Variants in ECE1 observed in about 807,000 individuals in gnomAD.
ECE1 encodes the protein endothelin-converting enzyme 1.
Under a neutral mutation model 98.6 loss-of-function variants are expected in ECE1, and 35 were observed. The observed-to-expected ratio is 0.35, with a 90% CI of 0.27 to 0.47. The LOEUF is 0.47. ECE1 is among the 20% of genes least tolerant of loss of function. ECE1 has a pLI of 1.00. For synonymous variants in ECE1, 394 were observed against 407.1 expected (o/e 0.97, Z 0.39); for missense variants, 814 against 1,025.3 (o/e 0.79, Z 2.81).
chr1:21,232,954 C>T (rs776599376), intron 14 of ECE1, among the ~76,000 whole-genome samples: 2 of 152,092 alleles, frequency 1.3e-5, no homozygotes, highest in Non-Finnish European at 2.9e-5. Flanking sequence ...GCTGGGATTA[C>T]AGGCGTGAGC....
At position 21,225,326 on chromosome 1, in the gene ECE1, T is replaced by C; in HGVS notation, c.1964A>G (p.Asn655Ser). ...GTGCCGCCCGTTCACCGGCTCCCCG[T>C]TCACGCTGTAGTTGCTGTACTGCTC... ...MVEQYSNYSV[N>S]GEPVNGRHTL... is the part of the protein sequence containing the mutation. The change falls in exon 17 of 19, where the codon AAC becomes AGC. Residue 655 changes from asparagine (N) to serine (S), a missense_variant. Transcript: ENST00000374893. The surrounding 1 kb of genome is among the most constrained non-coding windows in gnomAD (Gnocchi z 5.3). The C allele has an allele frequency of 6.2e-7, 1 of 1,614,218 alleles. No homozygotes were observed. The highest frequency in any genetic ancestry group is 1.1e-5 in the South Asian group (1 of 91,090).
chr1:21,251,170 G>C (rs1186766873), intron 8 of ECE1, among the ~76,000 whole-genome samples: 5 of 152,088 alleles, frequency 3.3e-5, no homozygotes, highest in African/African-American at 1.2e-4. Context: ...AAGGACAGGT[G>C]AATTTGTGAG....
chr1:21,319,919 G>C lies in ECE1; in HGVS notation c.3+25457C>G, dbSNP rs1167987979. 2.6e-5 allele frequency among the ~76,000 whole-genome samples: 4 copies of C among 152,162 alleles called. No homozygotes were observed. Among genetic ancestry groups the C allele is most frequent in the Non-Finnish European group, 5.9e-5 (4 of 68,040 alleles). On this transcript the variant is annotated intron_variant, in intron 1 of 18. Transcript: ENST00000415912. The surrounding 1 kb of genome is among the most constrained non-coding windows in gnomAD (Gnocchi z 4.4). Reference sequence around the variant, plus strand: ...GTCCCCACCCCACTCCAGATCTTCTGTTTACACTCGGCAGCAGCGTCCCAT... The same window carrying C: ...GTCCCCACCCCACTCCAGATCTTCTCTTTACACTCGGCAGCAGCGTCCCAT...
At position 21,260,127 on chromosome 1, in the gene ECE1, G is replaced by A. The variant is rs571765286; in HGVS notation, c.615+144C>T. 34 of 1,290,324 alleles carry A rather than the reference G, an allele frequency of 2.6e-5. No individual in the cohort carries two copies. The highest frequency in any genetic ancestry group is 2.4e-4 in the South Asian group (20 of 82,116). 79.9% of individuals were successfully genotyped at this position (1,290,324 alleles called of 1,614,324 possible). A position where few individuals can be genotyped will look rare whatever the true frequency, so the allele number is the denominator to read the frequency against. ...CACTCACATGTGCTCTCGCACACTC[G>A]CTCTCTCTCTTTCTGTCTTTCTCTT... On this transcript the variant is annotated intron_variant, in intron 5 of 18. Transcript: ENST00000374893. This position sits in a 1 kb window ranked among gnomAD's most constrained non-coding sequence, Gnocchi z 4.3.
chr1:21,253,043 T>C (rs2098214717), intron 8 of ECE1, among the ~76,000 whole-genome samples: 1 of 148,254 alleles, frequency 6.7e-6, no homozygotes, highest in African/African-American at 2.6e-5. Context: ...TATTATTTTA[T>C]TTTATTTTAT....
chr1:21,238,293 C>T (rs2103244172), intron 10 of ECE1, 49 bp from the exon 11 acceptor site: 1 of 1,482,014 alleles, frequency 6.7e-7, no homozygotes, highest in Non-Finnish European at 9.3e-7. Flanking sequence ...CCTTTGTTTC[C>T]CAACCCCTTT....
intron 1 of ECE1, among the ~76,000 whole-genome samples, chr1:21,297,339 A>G (rs1314268360): frequency 2.0e-5 from 3 of 151,858 alleles, no homozygotes; most frequent in South Asian, 2.1e-4. Flanking sequence ...CAGGCCACTG[A>G]CCTGCCCACC....
At chr1:21,336,482 G>T (rs1029920555) in intron 1 of ECE1, among the ~76,000 whole-genome samples, 2 of 152,114 alleles carry the variant, frequency 1.3e-5, no homozygotes, top group African/African-American at 2.4e-5. Context: ...ATCACCTGAG[G>T]TCAGGAGTTC....
intron 1 of ECE1, among the ~76,000 whole-genome samples, chr1:21,305,181 A>G (rs1638570056): frequency 6.6e-6 from 1 of 152,222 alleles, no homozygotes; most frequent in Admixed American, 6.5e-5. Flanking sequence ...GCTCGACAGC[A>G]TAGACACAGG....
intron 1 of ECE1, among the ~76,000 whole-genome samples, chr1:21,343,127 G>C (rs10916962): frequency 6.6e-6 from 1 of 151,764 alleles, no homozygotes; most frequent in Non-Finnish European, 1.5e-5. Flanking sequence ...GCTTTCTCTC[G>C]TCTCTCCAGC....
intron 1 of ECE1, among the ~76,000 whole-genome samples, chr1:21,301,488 G>A (rs1638483457): frequency 6.7e-6 from 1 of 148,936 alleles, no homozygotes; most frequent in East Asian, 2.0e-4. Flanking sequence ...GCGAGACTCC[G>A]TCTCAAAAAA....
intron 1 of ECE1, among the ~76,000 whole-genome samples, chr1:21,331,998 G>A (rs539988537): frequency 6.6e-6 from 1 of 152,240 alleles, no homozygotes; most frequent in South Asian, 2.1e-4. Flanking sequence ...CCAGCCCTGG[G>A]CTGGTCATTC....
rs2098235292 is a variant in ECE1, at chr1:21,267,430, GA to G, written c.493+5268del. On this transcript the variant is annotated intron_variant, in intron 4 of 18. Transcript: ENST00000374893. ...ACATGGGTGGCAACAGGCAAAGAGA[GA>G]GAGAGGCTGTGCAGGAGAACTCCCA... Among the ~76,000 whole-genome samples, 3 of 152,198 alleles carry G rather than the reference GA, an allele frequency of 2.0e-5. No individual in the cohort carries two copies. In the East Asian group the frequency reaches 5.8e-4, roughly 29 times the overall value.
intron 1 of ECE1, among the ~76,000 whole-genome samples, chr1:21,328,301 A>C (rs1437946325): frequency 6.6e-6 from 1 of 152,192 alleles, no homozygotes. Context: ...CTCCCATAGC[A>C]ACCTGCTTAT....
At chr1:21,238,056 T>A in intron 11 of ECE1, 78 bp downstream of exon 11, 1 of 1,343,150 alleles carries the variant, frequency 7.4e-7, no homozygotes, top group African/African-American at 1.4e-5. Context: ...CAGGGTGGGC[T>A]GGAGTGTGAA....
In ECE1 at chr1:21,257,609, A is replaced by C; in HGVS notation, c.763-19T>G. On this transcript the variant is annotated intron_variant, in intron 6 of 18. Coordinates refer to ENST00000374893, the MANE Select transcript of ECE1 (RefSeq NM_001397.3). Reference sequence around the variant, plus strand: ...GGTCCACCTGGCAAGAGAAGCAGGCATGAGAGGGAATTCGTGTTGCAATGC... The same window carrying C: ...GGTCCACCTGGCAAGAGAAGCAGGCCTGAGAGGGAATTCGTGTTGCAATGC... 6.2e-7 allele frequency: 1 copy of C among 1,614,070 alleles called. No individual in the cohort carries two copies. Among genetic ancestry groups the C allele is most frequent in the South Asian group, 1.1e-5 (1 of 91,084 alleles).
Position 21,345,166 on chromosome 1 carries a change from C to G in ECE1, c.3+210G>C. On this transcript the variant is annotated intron_variant, in intron 1 of 18. Transcript: ENST00000415912. The surrounding 1 kb of genome is among the most constrained non-coding windows in gnomAD (Gnocchi z 5.1). ...CCAAGCTCGGCGCGGCCGCCCCCGA[C>G]GGGACCAAGCGCAGCGCCGCCGGGA... 1.8e-6 allele frequency: 1 copy of G among 557,584 alleles called. No homozygotes were observed. Among genetic ancestry groups the G allele is most frequent in the Non-Finnish European group, 2.4e-6 (1 of 408,808 alleles). 34.5% of individuals were successfully genotyped at this position (557,584 alleles called of 1,614,324 possible). A position where few individuals can be genotyped will look rare whatever the true frequency, so the allele number is the denominator to read the frequency against.
rs367675745 is a variant in ECE1, at chr1:21,245,031, G to A, written c.1236C>T (p.Asp412=). 1.9e-5 allele frequency: 30 copies of A among 1,614,078 alleles called. No homozygotes were observed. The highest frequency in any genetic ancestry group is 6.7e-5 in the Admixed American group (4 of 60,002). The change falls in exon 10 of 19, where the codon GAC becomes GAT. Residue 412 remains aspartate, a synonymous_variant. Coordinates refer to ENST00000374893, the MANE Select transcript of ECE1 (RefSeq NM_001397.3). ...TGACTTCCATGAACTTCTCATCGGC[G>A]TCCTGAAAGCGCTGGTCAAGGAAGG... ...TSSFLDQRFQ[D]ADEKFMEVMY...
chr1:21,268,243 C>A (rs1353270642), intron 4 of ECE1, among the ~76,000 whole-genome samples: 1 of 152,154 alleles, frequency 6.6e-6, no homozygotes, highest in African/African-American at 2.4e-5. Flanking sequence ...GTTGGAAAGT[C>A]CAAGGCAGGG....
Sources: allele counts gnomAD v4.1 joint callset (sites outside exome capture counted in the v4.1 genomes callset), GRCh38; gene constraint gnomAD v4.1.1; non-coding constraint Gnocchi (gnomAD v3.1); transcripts MANE v1.5; gene names NCBI Gene and HGNC (gene_info 2026-07-23, HGNC 2026-07-21).